The following NT5DC3 variants were observed in gnomAD, a reference collection of about 807,000 sequenced individuals.
The protein encoded by NT5DC3 is 5'-nucleotidase domain-containing protein 3.
Under a neutral mutation model 67.8 loss-of-function variants are expected in NT5DC3, and 42 were observed. That is an observed-to-expected ratio of 0.62 (90% CI 0.48 to 0.80). NT5DC3 has a LOEUF of 0.80. Among genes scored for constraint, NT5DC3 ranks in the 30% least tolerant of loss-of-function variants. The pLI is 0.00. For synonymous variants in NT5DC3, 237 were observed against 255.6 expected (o/e 0.93, Z 0.69); for missense variants, 570 against 696.4 (o/e 0.82, Z 2.04).
intron 7 of NT5DC3, 62 bp from the exon 8 acceptor site, chr12:103,793,574 T>G: frequency 8.2e-7 from 1 of 1,221,016 alleles, no homozygotes; most frequent in Non-Finnish European, 1.2e-6. Context: ...CTGCAAGTAC[T>G]TTCTAAATGG....
chr12:103,758,200 C>T, the NT5DC3 span: 2 of 1,614,084 alleles, frequency 1.2e-6, no homozygotes, highest in South Asian at 1.1e-5. Flanking sequence ...CAGCTCAGCT[C>T]GAGGCCGTGC....
At chr12:103,751,142 C>T in the NT5DC3 span, among the ~76,000 whole-genome samples, 1 of 152,166 alleles carries the variant, frequency 6.6e-6, no homozygotes, top group Non-Finnish European at 1.5e-5. Context: ...CAGGGCACTG[C>T]ACTTTATGGC....
At chr12:103,823,477 T>C (rs1264806861) in intron 1 of NT5DC3, among the ~76,000 whole-genome samples, 1 of 152,214 alleles carries the variant, frequency 6.6e-6, no homozygotes, top group Non-Finnish European at 1.5e-5. Context: ...TCTATTTCTA[T>C]GTTCCTAAAT....
intron 2 of NT5DC3, among the ~76,000 whole-genome samples, chr12:103,808,820 T>G (rs1190652761): frequency 6.6e-6 from 1 of 152,172 alleles, no homozygotes; most frequent in African/African-American, 2.4e-5. Flanking sequence ...TGATGGATAA[T>G]AAGAGGGCAG....
chr12:103,784,472 G>A (rs1299452027), intron 12 of NT5DC3, among the ~76,000 whole-genome samples: 1 of 152,210 alleles, frequency 6.6e-6, no homozygotes, highest in Non-Finnish European at 1.5e-5. Flanking sequence ...GTGCCAGCTG[G>A]GGCAGGCAAG....
At chr12:103,816,949 G>T (rs10778287) in intron 1 of NT5DC3, among the ~76,000 whole-genome samples, 133,278 of 148,518 alleles carry the variant, frequency 0.9, 59,887 homozygotes, top group East Asian at 1. Flanking sequence ...ATAACATCTT[G>T]GCAGTCTTTT....
intron 9 of NT5DC3, among the ~76,000 whole-genome samples, chr12:103,790,539 G>GTGTGACCAA (rs1258850166): frequency 3.9e-5 from 6 of 152,004 alleles, no homozygotes; most frequent in African/African-American, 9.6e-5. Context: ...GGGACTACAG[G>GTGTGACCAA]TGTGACCAAC....
At chr12:103,808,432 G>C (rs1886894169) in intron 2 of NT5DC3, among the ~76,000 whole-genome samples, 1 of 152,200 alleles carries the variant, frequency 6.6e-6, no homozygotes, top group African/African-American at 2.4e-5. Context: ...CAACTATTAA[G>C]TGCCCAGGAA....
chr12:103,814,936 C>G lies in NT5DC3; in HGVS notation c.393+1G>C, dbSNP rs200402830. ...AGCCTGAAATGTCCCTGTGATCTTA[C>G]CCGGTGTTCATTGATGAGAAGGTCC... is the stretch of plus-strand genomic sequence containing the variant. On this transcript the variant is annotated splice_donor_variant, in intron 2 of 13. Transcript: ENST00000392876. LOFTEE classifies it high-confidence loss of function. 4.4e-6 allele frequency: 7 copies of G among 1,600,786 alleles called. No individual in the cohort carries two copies. The highest frequency in any genetic ancestry group is 6.0e-6 in the Non-Finnish European group (7 of 1,172,922).
At chr12:103,836,516 T>C (rs1015294292) in intron 1 of NT5DC3, among the ~76,000 whole-genome samples, 14 of 152,220 alleles carry the variant, frequency 9.2e-5, no homozygotes, top group Admixed American at 5.2e-4. Flanking sequence ...ACTCCAGGTC[T>C]CTACATGGAC....
At chr12:103,795,471 G>A (rs758287672) in intron 6 of NT5DC3, among the ~76,000 whole-genome samples, 5 of 151,974 alleles carry the variant, frequency 3.3e-5, no homozygotes, top group Non-Finnish European at 7.4e-5. Flanking sequence ...GATTTTTAAA[G>A]ACAAAGTGTA....
the NT5DC3 span, among the ~76,000 whole-genome samples, chr12:103,762,921 G>A: frequency 6.6e-6 from 1 of 152,126 alleles, no homozygotes; most frequent in African/African-American, 2.4e-5. Flanking sequence ...GAATATGGCC[G>A]GGGCAGCAGC....
At chr12:103,747,298 A>AG in the NT5DC3 span, among the ~76,000 whole-genome samples, 1 of 152,226 alleles carries the variant, frequency 6.6e-6, no homozygotes, top group Non-Finnish European at 1.5e-5. Flanking sequence ...AGCCATACAG[A>AG]GGCCCAAATG....
At chr12:103,810,753 AC>A (rs1288036228) in intron 2 of NT5DC3, among the ~76,000 whole-genome samples, 1 of 152,158 alleles carries the variant, frequency 6.6e-6, no homozygotes, top group Non-Finnish European at 1.5e-5. Flanking sequence ...GCAGCAGCGA[AC>A]CCAGGACTTC....
the NT5DC3 span, among the ~76,000 whole-genome samples, chr12:103,752,888 CAAAAAATAAAGT>C: frequency 3.3e-5 from 5 of 151,672 alleles, no homozygotes; most frequent in Non-Finnish European, 7.4e-5. Flanking sequence ...AAAAATTTAC[CAAAAAATAAAGT>C]AAAATTCTAG....
chr12:103,829,082 T>A (rs975047290), intron 1 of NT5DC3, among the ~76,000 whole-genome samples: 7 of 152,354 alleles, frequency 4.6e-5, no homozygotes, highest in Non-Finnish European at 8.8e-5. Context: ...TTTAAAACCT[T>A]TTGTAATTGG....
rs1885225176 is a variant in NT5DC3 at position 103,772,938 on chromosome 12, C to G, written c.*4891G>C. Reference sequence around the variant, plus strand: ...GAAAGGTCATCCGGGCAGCTGAGCTCAGCACCCAGCACTAGCACAATTACA... The same window carrying G: ...GAAAGGTCATCCGGGCAGCTGAGCTGAGCACCCAGCACTAGCACAATTACA... On this transcript the variant is annotated 3_prime_UTR_variant, in exon 14 of 14. Transcript: ENST00000392876. 6.6e-6 allele frequency: 1 copy of G among 152,230 alleles called. No individual in the cohort carries two copies. Among genetic ancestry groups the G allele is most frequent in the South Asian group, 2.1e-4 (1 of 4,818 alleles). The allele number at this position is 152,230 out of a possible 1,614,324, so 9.4% of individuals were successfully genotyped here.
chr12:103,793,917 T>G lies in NT5DC3; in HGVS notation c.814+20A>C. ...AACAGAAAGGCTGAAACTCTCTTCG[T>G]GATACTGCTGAGCACATACCAATGT... On this transcript the variant is annotated intron_variant, in intron 7 of 13. Coordinates refer to ENST00000392876, the MANE Select transcript of NT5DC3 (RefSeq NM_001031701.3). The G allele has an allele frequency of 6.3e-7, 1 of 1,592,042 alleles. No homozygotes were observed. The highest frequency in any genetic ancestry group is 2.2e-5 in the East Asian group (1 of 44,726).
chr12:103,762,863 G>A, the NT5DC3 span, among the ~76,000 whole-genome samples: 2 of 152,232 alleles, frequency 1.3e-5, no homozygotes, highest in South Asian at 4.1e-4. Flanking sequence ...TATTTGAACA[G>A]TTGAGTCCAC....
Sources: gnomAD v4.1 joint callset for allele counts (sites outside exome capture counted in the v4.1 genomes callset) on GRCh38, gnomAD v4.1.1 for gene constraint, MANE v1.5 for transcripts, NCBI Gene and HGNC (gene_info 2026-07-23, HGNC 2026-07-21) for gene names.